RPS6KA2: variants seen among roughly 807,000 people sequenced by gnomAD.
RPS6KA2 encodes the protein ribosomal protein S6 kinase A2.
RPS6KA2 carries 42 observed loss-of-function variants against 91.8 expected under a neutral mutation model. The observed-to-expected ratio is 0.46, with a 90% CI of 0.36 to 0.59. RPS6KA2 has a LOEUF of 0.59. Among genes scored for constraint, RPS6KA2 ranks in the 20% least tolerant of loss-of-function variants. The probability of loss-of-function intolerance (pLI) is 0.00; values close to 1 mark genes in which losing one functional copy is unlikely to be tolerated. For missense variants in RPS6KA2, 798 were observed against 978.5 expected (o/e 0.82, Z 2.46); for synonymous variants, 414 against 393.6 (o/e 1.05, Z -0.61).
At chr6:166,572,783 C>T (rs970191204) in intron 1 of RPS6KA2, among the ~76,000 whole-genome samples, 4 of 152,236 alleles carry the variant, frequency 2.6e-5, no homozygotes, top group African/African-American at 9.6e-5. Flanking sequence ...GCCCGCGTCA[C>T]TAGCAACGGC....
At chr6:166,745,359 T>C (rs544780111) in intron 2 of RPS6KA2, among the ~76,000 whole-genome samples, 100 of 152,140 alleles carry the variant, frequency 6.6e-4, no homozygotes, top group Middle Eastern at 3.4e-3. Context: ...ACCATGTTGG[T>C]CAAGCTGGTC....
intron 10 of RPS6KA2, among the ~76,000 whole-genome samples, chr6:166,477,403 A>G (rs1281657955): frequency 6.6e-6 from 1 of 152,226 alleles, no homozygotes; most frequent in African/African-American, 2.4e-5. Flanking sequence ...TCTCTCATCC[A>G]TAATTTAAAC....
At chr6:166,421,397 A>T (rs1315431614) in intron 17 of RPS6KA2, among the ~76,000 whole-genome samples, 3 of 152,220 alleles carry the variant, frequency 2.0e-5, no homozygotes, top group East Asian at 1.9e-4. Flanking sequence ...GAAGCAGCAG[A>T]TGCAGGAGAG....
intron 1 of RPS6KA2, among the ~76,000 whole-genome samples, chr6:166,549,836 T>C (rs1481214619): frequency 6.6e-6 from 1 of 152,232 alleles, no homozygotes; most frequent in Non-Finnish European, 1.5e-5. Flanking sequence ...CTGTTGATTG[T>C]ACCAAATGTG....
chr6:166,585,180 A>G (rs917228099), intron 1 of RPS6KA2, among the ~76,000 whole-genome samples: 1 of 152,240 alleles, frequency 6.6e-6, no homozygotes, highest in Non-Finnish European at 1.5e-5. Context: ...ATACATGAAA[A>G]AAGATGCAGC....
intron 16 of RPS6KA2, 152 bp downstream of exon 16, chr6:166,430,301 T>G: frequency 2.7e-6 from 2 of 745,792 alleles, no homozygotes; most frequent in Non-Finnish European, 4.4e-6. Context: ...GCACCGTCAC[T>G]GAGCCTCCAG....
rs1213175335 is a variant in RPS6KA2, at chr6:166,626,534, C to G, written c.99+387G>C. Among the ~76,000 whole-genome samples, 1 of 152,188 alleles carries G rather than the reference C, an allele frequency of 6.6e-6. No individual in the cohort carries two copies. Among genetic ancestry groups the G allele is most frequent in the Non-Finnish European group, 1.5e-5 (1 of 68,026 alleles). On this transcript the variant is annotated intron_variant, in intron 1 of 20. Coordinates refer to ENST00000265678, the MANE Select transcript of RPS6KA2 (RefSeq NM_021135.6). This position sits in a 1 kb window ranked among gnomAD's most constrained non-coding sequence, Gnocchi z 4.1. ...CTCGGAGGGCGGAGCTGGGGGGCTT[C>G]TCCACTCGGGACTTTGAGGGACCCC...
intron 3 of RPS6KA2, among the ~76,000 whole-genome samples, chr6:166,525,258 T>C (rs1050727580): frequency 2.6e-5 from 4 of 152,218 alleles, no homozygotes; most frequent in Admixed American, 6.5e-5. Flanking sequence ...ATGCATTATA[T>C]AGAACGGTTA....
In RPS6KA2 at chr6:166,430,473, C is replaced by T. The variant is rs147934464; in HGVS notation, c.1561G>A (p.Asp521Asn). The T allele has an allele frequency of 4.3e-6, 7 of 1,613,246 alleles. No individual in the cohort carries two copies. In the African/African-American group the frequency reaches 8.0e-5, roughly 18 times the overall value. The change falls in exon 16 of 21, where the codon GAC (aspartate) becomes AAC (asparagine). Residue 521 changes from aspartate to asparagine, a missense_variant. Transcript: ENST00000265678. ...CCTACCCCCTGGGAATGGAGGTAGT[C>T]CATGGTCTTGGTGATGGTGCACAGG... The part of the protein sequence containing the change: ...DVLCTITKTM[D>N]YLHSQGVVHR...
intron 2 of RPS6KA2, among the ~76,000 whole-genome samples, chr6:166,794,429 T>C (rs1779170988): frequency 6.6e-6 from 1 of 151,952 alleles, no homozygotes; most frequent in Non-Finnish European, 1.5e-5. Flanking sequence ...AGTTCAACCA[T>C]TGTGGAAGTC....
chr6:166,477,123 C>G (rs1193327834), intron 10 of RPS6KA2, among the ~76,000 whole-genome samples: 1 of 152,186 alleles, frequency 6.6e-6, no homozygotes, highest in Non-Finnish European at 1.5e-5. Flanking sequence ...CCGCAGGCAA[C>G]TAAATCCAGC....
At chr6:166,512,038 C>T (rs988172869) in intron 3 of RPS6KA2, among the ~76,000 whole-genome samples, 1 of 152,102 alleles carries the variant, frequency 6.6e-6, no homozygotes, top group Non-Finnish European at 1.5e-5. Flanking sequence ...GAGGAAGCAA[C>T]CCAAGTGTCC....
chr6:166,861,488 C>A (rs1781045352), intron 1 of RPS6KA2, among the ~76,000 whole-genome samples: 2 of 152,224 alleles, frequency 1.3e-5, no homozygotes, highest in African/African-American at 4.8e-5. Context: ...CCCAGGGAAG[C>A]ATGGAGTGAA....
At chr6:166,604,405 T>A (rs927933005) in intron 1 of RPS6KA2, among the ~76,000 whole-genome samples, 3 of 151,698 alleles carry the variant, frequency 2.0e-5, no homozygotes, top group South Asian at 2.1e-4. Flanking sequence ...AAAAAAAAAA[T>A]TCAGAAATTA....
At chr6:166,535,677 G>C (rs1783454480) in intron 2 of RPS6KA2, among the ~76,000 whole-genome samples, 1 of 152,206 alleles carries the variant, frequency 6.6e-6, no homozygotes. Context: ...AGCTCGCAGG[G>C]AACACTGGGT....
At chr6:166,472,265 C>T (rs1242645660) in intron 10 of RPS6KA2, among the ~76,000 whole-genome samples, 3 of 152,220 alleles carry the variant, frequency 2.0e-5, no homozygotes, top group Non-Finnish European at 4.4e-5. Flanking sequence ...ATCTATTTCA[C>T]ATTTTGTACC....
chr6:166,653,743 G>A (rs530683001), intron 2 of RPS6KA2, among the ~76,000 whole-genome samples: 10 of 152,354 alleles, frequency 6.6e-5, no homozygotes, highest in South Asian at 6.2e-4. Flanking sequence ...ATTCCAGGTA[G>A]CGGCTCCCTG....
chr6:166,720,286 C>T (rs562062660), intron 2 of RPS6KA2, among the ~76,000 whole-genome samples: 10 of 152,268 alleles, frequency 6.6e-5, no homozygotes, highest in African/African-American at 2.4e-4. Context: ...TATTTATAAA[C>T]TCATAAGTTG....
chr6:166,656,856 C>T (rs761295392), intron 2 of RPS6KA2, among the ~76,000 whole-genome samples: 1 of 152,172 alleles, frequency 6.6e-6, no homozygotes, highest in Non-Finnish European at 1.5e-5. Flanking sequence ...TGTGAAAGCC[C>T]GGGCAAACAG....
Sources: allele counts gnomAD v4.1 joint callset (sites outside exome capture counted in the v4.1 genomes callset), GRCh38; gene constraint gnomAD v4.1.1; non-coding constraint Gnocchi (gnomAD v3.1); transcripts MANE v1.5; gene names NCBI Gene and HGNC (gene_info 2026-07-23, HGNC 2026-07-21).